Variants in IGFL2 observed in about 807,000 individuals in gnomAD.
IGFL2 encodes IGF like family member 2.
IGFL2 carries 7 observed loss-of-function variants against 13.9 expected under a neutral mutation model. The observed-to-expected ratio is 0.51, with a 90% confidence interval of 0.29 to 0.95. The LOEUF is 0.95. IGFL2 is among the 40% of genes least tolerant of loss of function. IGFL2 has a pLI of 0.08. For synonymous variants in IGFL2, 55 were observed against 55.8 expected, an observed-to-expected ratio of 0.99 and a Z score of 0.07; for missense variants, 138 against 147.8, an observed-to-expected ratio of 0.93 and a Z score of 0.34.
chr19:46,117,544 T>C, the IGFL2 span, among the ~76,000 whole-genome samples: 2 of 152,160 alleles, frequency 1.3e-5, no homozygotes, highest in Non-Finnish European at 1.5e-5. Flanking sequence ...AGTGGTATAA[T>C]CATAGCTCAC....
the IGFL2 span, among the ~76,000 whole-genome samples, chr19:46,186,369 A>G: frequency 6.6e-6 from 1 of 152,152 alleles, no homozygotes; most frequent in Non-Finnish European, 1.5e-5. Flanking sequence ...AGAATTTTGG[A>G]TGGGATATTA....
the IGFL2 span, chr19:46,209,008 C>T: frequency 1.3e-5 from 2 of 152,182 alleles, no homozygotes; most frequent in Non-Finnish European, 2.9e-5. Flanking sequence ...GTGCCCTCCT[C>T]CAGGAAGCCA....
the IGFL2 span, among the ~76,000 whole-genome samples, chr19:46,123,427 A>C: frequency 1.3e-5 from 2 of 151,080 alleles, no homozygotes; most frequent in Non-Finnish European, 2.9e-5. Flanking sequence ...TTTTAAGTAA[A>C]GTAAGGAAAA....
chr19:46,125,098 A>G, the IGFL2 span, among the ~76,000 whole-genome samples: 1 of 152,158 alleles, frequency 6.6e-6, no homozygotes, highest in Non-Finnish European at 1.5e-5. Flanking sequence ...CTTCTTCTAT[A>G]TTCCCCAAGC....
At chr19:46,088,428 A>G in the IGFL2 span, among the ~76,000 whole-genome samples, 4 of 152,328 alleles carry the variant, frequency 2.6e-5, no homozygotes, top group South Asian at 6.2e-4. Flanking sequence ...CTGAGTCTCA[A>G]TATCAAAACA....
chr19:46,148,896 T>C, intron 1 of IGFL2: 1 of 1,547,662 alleles, frequency 6.5e-7, no homozygotes, highest in Middle Eastern at 1.7e-4. Flanking sequence ...GGGACTGTGA[T>C]GAGGGGATCA....
the IGFL2 span, among the ~76,000 whole-genome samples, chr19:46,112,552 A>T: frequency 7.2e-5 from 11 of 152,362 alleles, 1 homozygote; most frequent in South Asian, 2.3e-3. Context: ...CGAAACCAGT[A>T]CAGTCAGGAC....
chr19:46,099,802 A>G, the IGFL2 span, among the ~76,000 whole-genome samples: 1 of 152,170 alleles, frequency 6.6e-6, no homozygotes, highest in Non-Finnish European at 1.5e-5. Context: ...CTGGGATTAC[A>G]GGGATGAGTC....
chr19:46,159,818 A>G (rs935869252), intron 1 of IGFL2: 2 of 152,572 alleles, frequency 1.3e-5, no homozygotes, highest in Non-Finnish European at 2.9e-5. Flanking sequence ...AAAATAGAAA[A>G]TTACCTGGGC....
At chr19:46,155,293 T>C (rs919770550) in intron 1 of IGFL2, among the ~76,000 whole-genome samples, 10 of 152,318 alleles carry the variant, frequency 6.6e-5, no homozygotes, top group Admixed American at 2.6e-4. Context: ...GAACTGAAAC[T>C]GTAGCCCTAG....
intron 1 of IGFL2, chr19:46,160,195 T>G (rs1024600077): frequency 8.8e-6 from 5 of 570,362 alleles, no homozygotes; most frequent in Non-Finnish European, 1.6e-5. Flanking sequence ...TTCCAAGAGT[T>G]TTCCCTGCAT....
upstream of IGFL2, among the ~76,000 whole-genome samples, chr19:46,145,539 A>G (rs1973077388): frequency 6.7e-6 from 1 of 148,572 alleles, no homozygotes; most frequent in Non-Finnish European, 1.5e-5. Context: ...TCTTCTCTCC[A>G]CCTTCCCATC....
At chr19:46,174,484 G>A in the IGFL2 span, among the ~76,000 whole-genome samples, 1 of 152,208 alleles carries the variant, frequency 6.6e-6, no homozygotes. Context: ...GAAAGAAGTG[G>A]CTGGTAACAC....
the IGFL2 span, among the ~76,000 whole-genome samples, chr19:46,179,935 A>C: frequency 1.3e-5 from 2 of 151,954 alleles, no homozygotes; most frequent in Admixed American, 1.3e-4. Context: ...AAAAACAAAA[A>C]AACATTGCTA....
At chr19:46,149,734 AT>A (rs1973371148) in intron 1 of IGFL2, among the ~76,000 whole-genome samples, 1 of 152,174 alleles carries the variant, frequency 6.6e-6, no homozygotes, top group Non-Finnish European at 1.5e-5. Flanking sequence ...AACTGAATAA[AT>A]TCAATTGTAT....
At chr19:46,195,485 G>C in the IGFL2 span, among the ~76,000 whole-genome samples, 12 of 152,122 alleles carry the variant, frequency 7.9e-5, no homozygotes, top group African/African-American at 2.9e-4. Context: ...CTGTAATGAT[G>C]TGCCAACCTT....
chr19:46,206,175 C>G, the IGFL2 span, among the ~76,000 whole-genome samples: 1 of 152,114 alleles, frequency 6.6e-6, no homozygotes, highest in Non-Finnish European at 1.5e-5. Flanking sequence ...TGCCCTCCCT[C>G]GAACCCAGCT....
At chr19:46,142,765 G>A (rs1037696601), upstream of IGFL2, among the ~76,000 whole-genome samples, 11 of 152,194 alleles carry the variant, frequency 7.2e-5, no homozygotes, top group Admixed American at 7.2e-4. Flanking sequence ...GCTGACATTG[G>A]CTAATTGCAC....
chr19:46,186,477 A>C, the IGFL2 span, among the ~76,000 whole-genome samples: 1 of 152,276 alleles, frequency 6.6e-6, no homozygotes, highest in South Asian at 2.1e-4. Context: ...AAATTCCTTG[A>C]CCTTGTTCCT....
Sources: allele counts gnomAD v4.1 joint callset (sites outside exome capture counted in the v4.1 genomes callset), GRCh38; gene constraint gnomAD v4.1.1; transcripts MANE v1.5; gene names NCBI Gene and HGNC (gene_info 2026-07-23, HGNC 2026-07-21).